HDAC7: variants seen among roughly 807,000 people sequenced by gnomAD.
HDAC7 encodes the protein histone deacetylase 7.
HDAC7 carries 26 observed loss-of-function variants against 115.5 expected under a neutral mutation model. That is an observed-to-expected ratio of 0.23 (90% CI 0.16 to 0.31). HDAC7 has a LOEUF of 0.31. Ranked by LOEUF, HDAC7 falls within the 10% of genes least tolerant of loss-of-function variation. The pLI is 1.00. For synonymous variants in HDAC7, 564 were observed against 550.9 expected (o/e 1.02, Z -0.33); for missense variants, 1,068 against 1,329.0 (o/e 0.80, Z 3.05).
chr12:47,791,023 A>AC, intron 16 of HDAC7: 3 of 570,668 alleles, frequency 5.3e-6, no homozygotes, highest in East Asian at 2.9e-5. Context: ...TCTACCAGAC[A>AC]CCTTCTAGGG....
Position 47,782,859 on chromosome 12 carries a change from ACACACGCCTCACT to A in HDAC7, c.*969_*981del, listed in dbSNP as rs1268911308. On this transcript the variant is annotated 3_prime_UTR_variant, in exon 26 of 26. Coordinates refer to ENST00000080059, the MANE Select transcript of HDAC7 (RefSeq NM_015401.5). ...ACGCCTCACTCACACACACGCTCAC[ACACACGCCTCACT>A]CACACACATGCTCACACACATTTTC... The A allele has an allele frequency of 6.8e-6, 1 of 147,292 alleles. No individual in the cohort carries two copies. Among genetic ancestry groups the A allele is most frequent in the Non-Finnish European group, 1.5e-5 (1 of 64,626 alleles). 9.1% of individuals were successfully genotyped at this position (147,292 alleles called of 1,614,324 possible).
Position 47,795,395 on chromosome 12 carries a change from G to A in HDAC7, c.1088-15C>T. ...AAGCCCGGGCACTGGAAAGAATCGGGGGGTGGAATAAGGAGGGAACCACAG... is the reference window on the plus strand; with the variant it reads ...AAGCCCGGGCACTGGAAAGAATCGGAGGGTGGAATAAGGAGGGAACCACAG... On this transcript the variant is annotated splice_polypyrimidine_tract_variant and intron_variant, in intron 10 of 25. Transcript: ENST00000080059. This position sits in a 1 kb window ranked among gnomAD's most constrained non-coding sequence, Gnocchi z 4.3. The A allele has an allele frequency of 6.4e-7, 1 of 1,571,776 alleles. No individual in the cohort carries two copies. Among genetic ancestry groups the A allele is most frequent in the Non-Finnish European group, 8.6e-7 (1 of 1,157,714 alleles).
At chr12:47,789,178 C>T in intron 19 of HDAC7, 83 bp downstream of exon 19, 1 of 1,071,950 alleles carries the variant, frequency 9.3e-7, no homozygotes, top group East Asian at 2.4e-5. Flanking sequence ...AGAACTAAGA[C>T]ATGAAGCCGC....
In HDAC7 at chr12:47,798,666, C is replaced by T. The variant is rs755939633; in HGVS notation, c.259-14G>A. 1.1e-5 allele frequency: 17 copies of T among 1,608,990 alleles called. No homozygotes were observed. The highest frequency in any genetic ancestry group is 5.9e-6 in the Non-Finnish European group (7 of 1,177,596). On this transcript the variant is annotated splice_polypyrimidine_tract_variant and intron_variant, in intron 3 of 25. Transcript: ENST00000080059. This position sits in a 1 kb window ranked among gnomAD's most constrained non-coding sequence, Gnocchi z 4.3. Reference sequence around the variant, plus strand: ...GTCCATGGAGAGCTGTGGGCAGGGCCGGCAGCCCAGAAAGGGACAAGGAGT... The same window carrying T: ...GTCCATGGAGAGCTGTGGGCAGGGCTGGCAGCCCAGAAAGGGACAAGGAGT...
chr12:47,795,065 GCCAC>G lies in HDAC7; in HGVS notation c.1284+115_1284+118del. On this transcript the variant is annotated intron_variant, in intron 11 of 25. Transcript: ENST00000080059. This position sits in a 1 kb window ranked among gnomAD's most constrained non-coding sequence, Gnocchi z 4.3. ...GCCATGCAGCTCTGGGCCCCAAGAA[GCCAC>G]ATCCCCCTCTTTTGCCCTCCAGTTC... 3.0e-6 allele frequency: 4 copies of G among 1,316,792 alleles called. No individual in the cohort carries two copies. Among genetic ancestry groups the G allele is most frequent in the Non-Finnish European group, 2.1e-6 (2 of 943,364 alleles). 81.6% of individuals were successfully genotyped at this position (1,316,792 alleles called of 1,614,324 possible).
In HDAC7 at chr12:47,819,620, C is replaced by T. The variant is rs991756206; in HGVS notation, c.19+147G>A. ...GGGCGGGACAGGCGCGGTCGGGGGG[C>T]GCAAGCCGGGCTGGGCCCGCGGGGC... On this transcript the variant is annotated intron_variant, in intron 1 of 25. Transcript: ENST00000080059. The T allele has an allele frequency of 3.2e-3, 490 of 153,996 alleles. 1 individual carries two copies. The highest frequency in any genetic ancestry group is 0.012 in the African/African-American group (483 of 41,406). 9.5% of individuals were successfully genotyped at this position (153,996 alleles called of 1,614,324 possible).
chr12:47,796,985 AT>A (rs1270319524), intron 7 of HDAC7, 31 bp downstream of exon 7: 2 of 1,512,776 alleles, frequency 1.3e-6, no homozygotes, highest in Admixed American at 2.2e-5. Context: ...AGGTTTGAGG[AT>A]GGCAACCGCA....
chr12:47,805,154 T>C (rs369019117), intron 1 of HDAC7, among the ~76,000 whole-genome samples: 3 of 151,972 alleles, frequency 2.0e-5, no homozygotes, highest in African/African-American at 7.2e-5. Flanking sequence ...CACTGCAGCG[T>C]TGACCTCCTG....
Position 47,796,233 on chromosome 12 carries a change from C to A in HDAC7, c.769G>T (p.Gly257Cys). Residue 257 changes from glycine (G) to cysteine (C), a missense_variant, in exon 8 of 26, where the codon GGC (glycine) becomes TGC (cysteine). This residue lies in a region of HDAC7 where 618 missense variants were observed against 701.5 expected (regional missense o/e 0.88). Coordinates refer to ENST00000080059, the MANE Select transcript of HDAC7 (RefSeq NM_015401.5). ...GCSSPNDSEH[G>C]PNPILGSEAL... ...TCCGAGCCCAGGATGGGATTGGGGC[C>A]GTGCTCGCTGTCATTGGGGGAGCTG... The A allele has an allele frequency of 1.2e-6, 2 of 1,607,192 alleles. No homozygotes were observed. Among genetic ancestry groups the A allele is most frequent in the South Asian group, 2.2e-5 (2 of 89,244 alleles).
Position 47,791,973 on chromosome 12 carries a change from G to A in HDAC7, c.1710C>T (p.His570=). ...TGCTGTTGTCACCGCAGGAGCACTG[G>A]TGCTTCAGCATGACCGAGTCATAGA... ...GLIYDSVMLK[H]QCSCGDNSRH... Residue 570 remains histidine (H), a synonymous_variant, in exon 14 of 26, where the codon CAC becomes CAT. Transcript: ENST00000080059. 6.2e-7 allele frequency: 1 copy of A among 1,611,090 alleles called. No individual in the cohort carries two copies. Among genetic ancestry groups the A allele is most frequent in the Non-Finnish European group, 8.5e-7 (1 of 1,178,742 alleles).
chr12:47,786,756 C>A (rs967794244), intron 21 of HDAC7, 53 bp from the exon 22 acceptor site: 1 of 1,461,578 alleles, frequency 6.8e-7, no homozygotes, highest in Non-Finnish European at 9.5e-7. Context: ...TTGCCAGGGG[C>A]GGTCCTGCCA....
chr12:47,796,624 A>C (rs190523041), intron 7 of HDAC7, among the ~76,000 whole-genome samples: 1 of 152,006 alleles, frequency 6.6e-6, no homozygotes, highest in Admixed American at 6.5e-5. Context: ...GGGTTTCACC[A>C]TATTGTCCAG....
chr12:47,795,653 A>G lies in HDAC7; in HGVS notation c.1021T>C (p.Leu341=). The G allele has an allele frequency of 6.4e-7, 1 of 1,554,076 alleles. No individual in the cohort carries two copies. The highest frequency in any genetic ancestry group is 8.7e-7 in the Non-Finnish European group (1 of 1,148,680). The change falls in exon 10 of 26, where the codon TTG becomes CTG. Residue 341 remains leucine (L), a synonymous_variant. Coordinates refer to ENST00000080059, the MANE Select transcript of HDAC7 (RefSeq NM_015401.5). The surrounding 1 kb of genome is among the most constrained non-coding windows in gnomAD (Gnocchi z 4.3). ...HGLEPEAGGT[L]PSRLQPILLL... ...AGAATGGGCTGCAGGCGAGAGGGCA[A>G]GGTGCCCCCAGCCTCGGGCTCCAAG... is the stretch of plus-strand genomic sequence containing the variant.
At chr12:47,800,582 C>G (rs1330097736) in intron 2 of HDAC7, among the ~76,000 whole-genome samples, 4 of 152,192 alleles carry the variant, frequency 2.6e-5, no homozygotes, top group Non-Finnish European at 4.4e-5. Flanking sequence ...CCAAGAAATC[C>G]GGATTCTCAT....
chr12:47,802,603 T>C, intron 1 of HDAC7: 1 of 846,700 alleles, frequency 1.2e-6, no homozygotes, highest in Non-Finnish European at 1.8e-6. Context: ...AGATACAATC[T>C]TCCCTGGGCA....
chr12:47,808,396 T>G (rs1944496848), intron 1 of HDAC7, among the ~76,000 whole-genome samples: 2 of 152,116 alleles, frequency 1.3e-5, no homozygotes, highest in African/African-American at 2.4e-5. Flanking sequence ...AGCAGCGGCT[T>G]GAGCTCCCTG....
intron 7 of HDAC7, among the ~76,000 whole-genome samples, chr12:47,796,579 G>A (rs546089085): frequency 5.4e-4 from 82 of 151,960 alleles, no homozygotes; most frequent in African/African-American, 1.8e-3. Flanking sequence ...ATGCACCACC[G>A]TGCCTGGCTA....
rs773301749 is a variant in HDAC7 at position 47,791,885 on chromosome 12, G to C, written c.1798C>G (p.Arg600Gly). ...IWSRLQERGL[R>G]SQCECLRGRK... ...CGCCTCCTCACCTCACACTGGCTCCGGAGCCCCCGCTCCTGCAGCCGGGAC... is the reference window on the plus strand; with the variant it reads ...CGCCTCCTCACCTCACACTGGCTCCCGAGCCCCCGCTCCTGCAGCCGGGAC... Residue 600 changes from arginine to glycine, a missense_variant, in exon 14 of 26, where the codon CGG becomes GGG. Around this residue, in one of 6 missense-constraint regions of HDAC7, gnomAD observed 618 missense variants for 701.5 expected, o/e 0.88. Transcript: ENST00000080059. 16 of 1,472,230 alleles carry C rather than the reference G, an allele frequency of 1.1e-5. No individual in the cohort carries two copies. The highest frequency in any genetic ancestry group is 1.5e-5 in the Non-Finnish European group (16 of 1,091,800). 91.2% of individuals were successfully genotyped at this position (1,472,230 alleles called of 1,614,324 possible).
intron 1 of HDAC7, among the ~76,000 whole-genome samples, chr12:47,812,034 CTAAAA>C (rs990243344): frequency 2.0e-5 from 3 of 152,236 alleles, no homozygotes; most frequent in African/African-American, 7.2e-5. Context: ...AAGGGAAGGG[CTAAAA>C]TAAAGTTCAC....
Sources: allele counts gnomAD v4.1 joint callset (sites outside exome capture counted in the v4.1 genomes callset), GRCh38; gene constraint gnomAD v4.1.1; regional missense constraint gnomAD v4.1.1; non-coding constraint Gnocchi (gnomAD v3.1); transcripts MANE v1.5; gene names NCBI Gene and HGNC (gene_info 2026-07-23, HGNC 2026-07-21).